FGGY: variants seen among roughly 807,000 people sequenced by gnomAD.
The protein encoded by FGGY is FGGY carbohydrate kinase domain-containing protein.
In FGGY, 72 loss-of-function variants were observed where a neutral mutation model predicts 71.3. That is an observed-to-expected ratio of 1.01 (90% CI 0.84 to 1.23). The LOEUF (loss-of-function observed/expected upper bound fraction) is 1.23, where lower values mean the gene tolerates loss of function less well. Among genes scored for constraint, FGGY ranks in the 50% most tolerant of loss-of-function variants. The pLI, the probability that FGGY is intolerant of heterozygous loss-of-function variation, is 0.00. For missense variants in FGGY, 668 were observed against 682.3 expected (o/e 0.98, Z 0.23); for synonymous variants, 251 against 250.3 (o/e 1.00, Z -0.02).
At chr1:59,536,249 G>A (rs892374038) in intron 7 of FGGY, among the ~76,000 whole-genome samples, 5 of 151,986 alleles carry the variant, frequency 3.3e-5, no homozygotes, top group South Asian at 4.2e-4. Flanking sequence ...TAAATTCCTC[G>A]ACACATACAC....
intron 13 of FGGY, chr1:59,673,779 C>A: frequency 8.1e-6 from 3 of 369,996 alleles, no homozygotes; most frequent in Non-Finnish European, 1.0e-5. Flanking sequence ...CCTGAAAAAC[C>A]TGGGCACTGA....
chr1:59,437,067 G>A (rs1572136170), intron 5 of FGGY, among the ~76,000 whole-genome samples: 1 of 152,176 alleles, frequency 6.6e-6, no homozygotes, highest in East Asian at 1.9e-4. Context: ...TCATCCTGGA[G>A]ACTTTGCTCT....
rs1405619065 is a variant in FGGY at position 59,346,151 on chromosome 1, T to C, written c.314-96T>C. 5 of 1,458,748 alleles carry C rather than the reference T, an allele frequency of 3.4e-6. No homozygotes were observed. The African/African-American group carries it at 7.0e-5, about 20-fold the overall frequency. The allele number at this position is 1,458,748 out of a possible 1,614,324, so 90.4% of individuals were successfully genotyped here. A position where few individuals can be genotyped will look rare whatever the true frequency, so the allele number is the denominator to read the frequency against. On this transcript the variant is annotated intron_variant, in intron 3 of 15. Transcript: ENST00000303721. ...TCTTGATACATAAAATTATAGAAAGTACATAGCATTTTGATCTTGGGAATC... is the reference window on the plus strand; with the variant it reads ...TCTTGATACATAAAATTATAGAAAGCACATAGCATTTTGATCTTGGGAATC...
intron 2 of FGGY, among the ~76,000 whole-genome samples, chr1:59,335,752 C>T (rs1443894211): frequency 1.3e-5 from 2 of 152,076 alleles, no homozygotes; most frequent in African/African-American, 4.8e-5. Context: ...TTTGCATTTC[C>T]TTAGTGACTA....
intron 11 of FGGY, among the ~76,000 whole-genome samples, chr1:59,647,768 T>C (rs2097110235): frequency 1.4e-5 from 2 of 146,340 alleles, no homozygotes; most frequent in Non-Finnish European, 3.0e-5. Context: ...TTTTTTATAC[T>C]TTAAGTTTTA....
At chr1:59,695,289 G>T (rs1187732556) in intron 14 of FGGY, among the ~76,000 whole-genome samples, 1 of 152,170 alleles carries the variant, frequency 6.6e-6, no homozygotes, top group African/African-American at 2.4e-5. Flanking sequence ...GAGGACAGGT[G>T]CCATGACACC....
intron 5 of FGGY, among the ~76,000 whole-genome samples, chr1:59,456,123 C>T (rs1364545446): frequency 1.3e-5 from 2 of 152,090 alleles, no homozygotes; most frequent in African/African-American, 4.8e-5. Context: ...CACCCATGAA[C>T]CCATCACTCT....
chr1:59,610,888 C>T (rs967230261), intron 9 of FGGY, among the ~76,000 whole-genome samples: 2 of 152,242 alleles, frequency 1.3e-5, no homozygotes, highest in Non-Finnish European at 2.9e-5. Context: ...CTCAGAGGGT[C>T]CCACGCCCAC....
At chr1:59,445,177 G>C (rs2070939524) in intron 5 of FGGY, among the ~76,000 whole-genome samples, 1 of 152,156 alleles carries the variant, frequency 6.6e-6, no homozygotes, top group African/African-American at 2.4e-5. Flanking sequence ...TGGCTCTTTT[G>C]CTCCTTTTCT....
chr1:59,346,184 G>A, intron 3 of FGGY, 63 bp from the exon 4 acceptor site: 1 of 1,585,662 alleles, frequency 6.3e-7, no homozygotes, highest in Non-Finnish European at 8.6e-7. Context: ...ATCCATAATT[G>A]TTCCCTTGAA....
At position 59,407,816 on chromosome 1, in the gene FGGY, G is replaced by A. The variant is rs969759326; in HGVS notation, c.554+28979G>A. Among the ~76,000 whole-genome samples the A allele has an allele frequency of 2.0e-5, 3 of 152,282 alleles. No homozygotes were observed. The East Asian group carries it at 5.8e-4, about 29-fold the overall frequency. ...CCCTGAAGTGTGGATTAACAGAAAG[G>A]CCTTCAGAGCTGGAAGACATTTTTG... is the stretch of plus-strand genomic sequence containing the variant. On this transcript the variant is annotated intron_variant, in intron 5 of 15. Coordinates refer to ENST00000303721, the MANE Select transcript of FGGY (RefSeq NM_018291.5).
intron 8 of FGGY, among the ~76,000 whole-genome samples, chr1:59,605,882 T>C (rs2096619011): frequency 6.6e-6 from 1 of 152,178 alleles, no homozygotes; most frequent in South Asian, 2.1e-4. Flanking sequence ...TTGTGAAATA[T>C]ATAAATGAAT....
intron 14 of FGGY, among the ~76,000 whole-genome samples, chr1:59,706,204 A>G (rs1299680792): frequency 1.3e-5 from 2 of 152,038 alleles, no homozygotes; most frequent in Non-Finnish European, 2.9e-5. Flanking sequence ...CCTCACCTCA[A>G]CCTGGCATCC....
At chr1:59,505,322 C>T (rs1044941323) in intron 6 of FGGY, among the ~76,000 whole-genome samples, 7 of 152,146 alleles carry the variant, frequency 4.6e-5, no homozygotes, top group East Asian at 3.9e-4. Context: ...GTGCTTGGCT[C>T]GTATCAGGTA....
intron 6 of FGGY, among the ~76,000 whole-genome samples, chr1:59,475,778 A>G (rs2093237176): frequency 6.6e-6 from 1 of 152,124 alleles, no homozygotes; most frequent in Non-Finnish European, 1.5e-5. Context: ...TTCTTGCTGG[A>G]TTTGTGTGCT....
intron 7 of FGGY, among the ~76,000 whole-genome samples, chr1:59,529,859 C>G (rs191108291): frequency 6.6e-5 from 10 of 152,280 alleles, no homozygotes. Context: ...AGTTTGACAA[C>G]TTTTTAAAAC....
At chr1:59,386,740 G>T (rs931482535) in intron 5 of FGGY, among the ~76,000 whole-genome samples, 11 of 152,004 alleles carry the variant, frequency 7.2e-5, no homozygotes, top group Non-Finnish European at 1.3e-4. Flanking sequence ...TATTTACAAG[G>T]CTTCTTATGT....
rs1199891901 is a variant in FGGY at position 59,639,999 on chromosome 1, C to T, written c.1221+1624C>T. 2.0e-5 allele frequency among the ~76,000 whole-genome samples: 3 copies of T among 152,156 alleles called. No individual in the cohort carries two copies. In the East Asian group the frequency reaches 5.8e-4, roughly 29 times the overall value. On this transcript the variant is annotated intron_variant, in intron 11 of 15. Coordinates refer to ENST00000303721, the MANE Select transcript of FGGY (RefSeq NM_018291.5). ...AATCAATGGAGTGTTCTGAAGAATT[C>T]TCATATCATGAGAATAAGTATGTAT...
intron 13 of FGGY, 21 bp from the exon 14 acceptor site, chr1:59,674,018 G>A (rs757853838): frequency 6.2e-7 from 1 of 1,609,324 alleles, no homozygotes; most frequent in Non-Finnish European, 8.5e-7. Context: ...CCTAACCAAG[G>A]TGTGGCCTTG....
Sources: allele counts gnomAD v4.1 joint callset (sites outside exome capture counted in the v4.1 genomes callset), GRCh38; gene constraint gnomAD v4.1.1; transcripts MANE v1.5; gene names NCBI Gene and HGNC (gene_info 2026-07-23, HGNC 2026-07-21).